Variants in LRRC7 observed in about 807,000 individuals in gnomAD.
LRRC7 encodes leucine rich repeat containing 7.
Under a neutral mutation model 175.7 loss-of-function variants are expected in LRRC7, and 23 were observed. The observed-to-expected ratio is 0.13, with a 90% confidence interval of 0.09 to 0.19. The LOEUF (loss-of-function observed/expected upper bound fraction) is 0.19, where lower values mean the gene tolerates loss of function less well. Ranked by LOEUF, LRRC7 falls within the 10% of genes least tolerant of loss-of-function variation. The pLI, the probability that LRRC7 is intolerant of heterozygous loss-of-function variation, is 1.00. For synonymous variants in LRRC7, 685 were observed against 680.9 expected (o/e 1.01, Z -0.09); for missense variants, 1,354 against 1,904.7 (o/e 0.71, Z 5.38).
At chr1:70,091,121 T>C (rs994463233) in intron 25 of LRRC7, among the ~76,000 whole-genome samples, 2 of 152,150 alleles carry the variant, frequency 1.3e-5, no homozygotes, top group African/African-American at 4.8e-5. Context: ...GAGGCAATCC[T>C]ATAATTAGGG....
chr1:70,072,500 T>A (rs758301680), intron 23 of LRRC7, among the ~76,000 whole-genome samples: 3 of 152,232 alleles, frequency 2.0e-5, no homozygotes, highest in Non-Finnish European at 2.9e-5. Context: ...ATTTAAAAAA[T>A]TGTGTAATTC....
intron 26 of LRRC7, among the ~76,000 whole-genome samples, chr1:70,112,984 T>C (rs1665620041): frequency 6.6e-6 from 1 of 152,070 alleles, no homozygotes. Flanking sequence ...AATAAGTTTT[T>C]CATGGACTGG....
chr1:69,706,586 T>A (rs2100716463), intron 2 of LRRC7, among the ~76,000 whole-genome samples: 1 of 152,316 alleles, frequency 6.6e-6, no homozygotes, highest in East Asian at 1.9e-4. Context: ...TGTGTACTGT[T>A]TTTTTAAAGC....
At chr1:69,903,935 C>T (rs1375165427) in intron 7 of LRRC7, among the ~76,000 whole-genome samples, 1 of 151,898 alleles carries the variant, frequency 6.6e-6, no homozygotes, top group Non-Finnish European at 1.5e-5. Flanking sequence ...ATACGTACAC[C>T]CTCCCAAGAC....
intron 2 of LRRC7, among the ~76,000 whole-genome samples, chr1:69,724,297 ACAC>A (rs1191114032): frequency 6.6e-6 from 1 of 152,148 alleles, no homozygotes; most frequent in Non-Finnish European, 1.5e-5. Context: ...AACCAAGATC[ACAC>A]CACTGCACTC....
At chr1:69,753,085 T>C (rs1322445627) in intron 2 of LRRC7, among the ~76,000 whole-genome samples, 1 of 152,216 alleles carries the variant, frequency 6.6e-6, no homozygotes, top group Non-Finnish European at 1.5e-5. Context: ...TGTACTTCCA[T>C]ATATTATATG....
chr1:70,109,679 T>C (rs1453116380), intron 26 of LRRC7, among the ~76,000 whole-genome samples: 3 of 152,228 alleles, frequency 2.0e-5, no homozygotes, highest in African/African-American at 7.2e-5. Context: ...AACTGCTGTT[T>C]ATATTATATC....
intron 1 of LRRC7, among the ~76,000 whole-genome samples, chr1:69,615,904 G>A (rs138218017): frequency 2.0e-5 from 3 of 151,984 alleles, no homozygotes; most frequent in Non-Finnish European, 2.9e-5. Flanking sequence ...CCCCACTTAC[G>A]CCCCACCATA....
rs146005006 is a variant in LRRC7, at chr1:69,973,878, G to A, written c.712-6501G>A. On this transcript the variant is annotated intron_variant, in intron 8 of 26. Coordinates refer to ENST00000651989, the MANE Select transcript of LRRC7 (RefSeq NM_001370785.2). ...TTGGATTACAGGCATGAACCTCCAT[G>A]CCCAGCCATTTTGTGTTTGATTTTG... is the stretch of plus-strand genomic sequence containing the variant. Among the ~76,000 whole-genome samples, 431 of 152,230 alleles carry A rather than the reference G, an allele frequency of 2.8e-3. 1 individual carries two copies. Among genetic ancestry groups the A allele is most frequent in the African/African-American group, 9.5e-3 (394 of 41,538 alleles).
At chr1:69,980,238 A>T (rs1272686420) in intron 8 of LRRC7, 141 bp from the exon 9 acceptor site, 1 of 720,458 alleles carries the variant, frequency 1.4e-6, no homozygotes, top group African/African-American at 1.8e-5. Flanking sequence ...GAGGTCTGTT[A>T]AAGGTGGAAT....
At chr1:69,676,446 A>G (rs1659785122) in intron 1 of LRRC7, among the ~76,000 whole-genome samples, 1 of 152,148 alleles carries the variant, frequency 6.6e-6, no homozygotes, top group Non-Finnish European at 1.5e-5. Flanking sequence ...ACTATGATTT[A>G]GTTCCAAATT....
At chr1:69,985,548 A>G (rs1251189286) in intron 9 of LRRC7, among the ~76,000 whole-genome samples, 3 of 152,200 alleles carry the variant, frequency 2.0e-5, no homozygotes, top group East Asian at 1.9e-4. Flanking sequence ...GACTACTCAC[A>G]TAGTTGTACA....
intron 11 of LRRC7, 31 bp downstream of exon 11, chr1:69,994,664 T>G (rs373883230): frequency 6.7e-7 from 1 of 1,485,188 alleles, no homozygotes; most frequent in South Asian, 1.1e-5. Context: ...CCAGTCTGCC[T>G]CTCAAAAGCC....
At chr1:69,891,901 A>G (rs1645845912) in intron 7 of LRRC7, among the ~76,000 whole-genome samples, 1 of 152,188 alleles carries the variant, frequency 6.6e-6, no homozygotes, top group South Asian at 2.1e-4. Context: ...TTCAATGTGT[A>G]AAAAATGAAA....
At chr1:69,684,783 G>A (rs1194458483) in intron 2 of LRRC7, among the ~76,000 whole-genome samples, 2 of 152,132 alleles carry the variant, frequency 1.3e-5, no homozygotes, top group Admixed American at 6.6e-5. Context: ...TCAGTCCAGA[G>A]GACCAAGAGA....
At chr1:69,633,784 T>G (rs1652889326) in intron 1 of LRRC7, among the ~76,000 whole-genome samples, 1 of 152,184 alleles carries the variant, frequency 6.6e-6, no homozygotes, top group Non-Finnish European at 1.5e-5. Flanking sequence ...ATTTTACTTA[T>G]TTATTTTTTA....
At chr1:69,956,618 T>A (rs1650513380) in intron 8 of LRRC7, among the ~76,000 whole-genome samples, 1 of 151,730 alleles carries the variant, frequency 6.6e-6, no homozygotes, top group African/African-American at 2.4e-5. Flanking sequence ...ATATTAAATA[T>A]CCAGCAATAG....
At chr1:70,000,349 TA>T (rs1251832133) in intron 11 of LRRC7, among the ~76,000 whole-genome samples, 4 of 152,210 alleles carry the variant, frequency 2.6e-5, no homozygotes, top group African/African-American at 9.7e-5. Context: ...CAGTATTCAG[TA>T]AATCACATGT....
intron 17 of LRRC7, among the ~76,000 whole-genome samples, chr1:70,027,767 C>G (rs1398189023): frequency 6.6e-6 from 1 of 152,052 alleles, no homozygotes; most frequent in African/African-American, 2.4e-5. Flanking sequence ...CATTGCTACT[C>G]AAAAGATACT....
Sources: gnomAD v4.1 joint callset for allele counts (sites outside exome capture counted in the v4.1 genomes callset) on GRCh38, gnomAD v4.1.1 for gene constraint, MANE v1.5 for transcripts, NCBI Gene and HGNC (gene_info 2026-07-23, HGNC 2026-07-21) for gene names.